Variants in SIPA1L2 observed in about 807,000 individuals in gnomAD.
The protein encoded by SIPA1L2 is signal induced proliferation associated 1 like 2.
SIPA1L2 carries 56 observed loss-of-function variants against 163.9 expected under a neutral mutation model. The ratio of observed to expected loss-of-function variants is 0.34; its 90% CI spans 0.28 to 0.43. The LOEUF (loss-of-function observed/expected upper bound fraction) is 0.43, where lower values mean the gene tolerates loss of function less well. SIPA1L2 is among the 20% of genes least tolerant of loss of function. The pLI is 1.00. For missense variants in SIPA1L2, 1,974 were observed against 2,193.5 expected, an observed-to-expected ratio of 0.90 and a Z score of 2.00; for synonymous variants, 877 against 865.7, an observed-to-expected ratio of 1.01 and a Z score of -0.23.
intron 2 of SIPA1L2, among the ~76,000 whole-genome samples, chr1:232,523,274 A>C (rs1030021783): frequency 6.6e-6 from 1 of 152,212 alleles, no homozygotes; most frequent in African/African-American, 2.4e-5. Flanking sequence ...TTTTTGAAGG[A>C]GACAGAAGAA....
chr1:232,465,097 T>G lies in SIPA1L2; in HGVS notation c.2563A>C (p.Ile855Leu), dbSNP rs773340229. The G allele has an allele frequency of 6.2e-7, 1 of 1,614,212 alleles. No homozygotes were observed. Among genetic ancestry groups the G allele is most frequent in the Admixed American group, 1.7e-5 (1 of 60,032 alleles). Residue 855 changes from isoleucine (I) to leucine (L), a missense_variant, in exon 9 of 23, where the codon ATC (isoleucine) becomes CTC (leucine). Ile to Leu is a conservative substitution (Grantham distance 5). Around this residue, in one of 3 missense-constraint regions of SIPA1L2, gnomAD observed 1,079 missense variants for 1,150.7 expected, o/e 0.94. Transcript: ENST00000674635. This position sits in a 1 kb window ranked among gnomAD's most constrained non-coding sequence, Gnocchi z 4.1. ...KDAHLFSIGA[I>L]MWHVIARDFG... ...TCCCGGGCTATCACGTGCCACATGA[T>G]GGCCCCAATGCTAAACAAGTGGGCA...
chr1:232,573,254 T>C (rs1177393713), intron 2 of SIPA1L2, among the ~76,000 whole-genome samples: 4 of 152,148 alleles, frequency 2.6e-5, no homozygotes, highest in African/African-American at 9.7e-5. Context: ...AAAGGACATT[T>C]TCGAGCAAAT....
chr1:232,541,242 TAACATTAACA>T lies in SIPA1L2; in HGVS notation c.-269-25644_-269-25635del, dbSNP rs1490580950. Among the ~76,000 whole-genome samples, 985 of 141,920 alleles carry T rather than the reference TAACATTAACA, an allele frequency of 6.9e-3. 9 individuals are homozygous for T. The highest frequency in any genetic ancestry group is 0.024 in the African/African-American group (892 of 36,786). 93.1% of individuals were successfully genotyped at this position (141,920 alleles called of 152,430 possible). ...TGCACATGTATCACATCACATAACA[TAACATTAACA>T]TAACATAACATAACATAACATAACA... On this transcript the variant is annotated intron_variant, in intron 2 of 22. Coordinates refer to ENST00000674635, the MANE Select transcript of SIPA1L2 (RefSeq NM_020808.5).
At chr1:232,492,454 T>TC (rs1321181290) in intron 4 of SIPA1L2, among the ~76,000 whole-genome samples, 1 of 152,124 alleles carries the variant, frequency 6.6e-6, no homozygotes, top group East Asian at 1.9e-4. Context: ...CAAGCCATGC[T>TC]CTCACCCCAG....
At chr1:232,601,055 C>T (rs866165883) in intron 1 of SIPA1L2, among the ~76,000 whole-genome samples, 11 of 152,130 alleles carry the variant, frequency 7.2e-5, no homozygotes, top group South Asian at 6.2e-4. Context: ...ACAACAGCCC[C>T]GATGGTATCC....
intron 7 of SIPA1L2, 145 bp from the exon 8 acceptor site, chr1:232,471,673 G>T: frequency 1.5e-6 from 1 of 674,358 alleles, no homozygotes; most frequent in Non-Finnish European, 2.2e-6. Context: ...ATTTGGCATA[G>T]AAAAAGCAAA....
chr1:232,493,718 T>A, intron 3 of SIPA1L2, 58 bp from the exon 4 acceptor site: 1 of 1,597,242 alleles, frequency 6.3e-7, no homozygotes, highest in Non-Finnish European at 8.6e-7. Context: ...AAGAGCAGGA[T>A]GGATATCTCT....
Position 232,439,174 on chromosome 1 carries a change from GT to G in SIPA1L2, c.3964del (p.Thr1322ProfsTer72). 6.2e-7 allele frequency: 1 copy of G among 1,613,502 alleles called. No homozygotes were observed. Among genetic ancestry groups the G allele is most frequent in the Non-Finnish European group, 8.5e-7 (1 of 1,179,930 alleles). On this transcript the variant is annotated frameshift_variant, in exon 15 of 23. Transcript: ENST00000674635. LOFTEE classifies it high-confidence loss of function. ...TTCCGCAGCACTGCCGGCGGAGATG[GT>G]GGACGCGTAGCCATGCACAGAATAT... Reference protein sequence around the residue: ...KLYSVHGYASTISAGSAAEGS... With the variant: ...KLYSVHGYASXISAGSAAEGS...
chr1:232,568,635 GGCTGGATTTCT>G (rs1411098514), intron 2 of SIPA1L2, among the ~76,000 whole-genome samples: 1 of 152,120 alleles, frequency 6.6e-6, no homozygotes, highest in Non-Finnish European at 1.5e-5. Context: ...GTGGACCATG[GGCTGGATTTCT>G]GCTCAGCTTG....
In SIPA1L2 at chr1:232,432,663, C is replaced by T. The variant is rs12030131; in HGVS notation, c.4032-192G>A. 0.029 allele frequency among the ~76,000 whole-genome samples: 4,382 copies of T among 152,292 alleles called. 543 individuals are homozygous for T. The East Asian group carries it at 0.4, about 14-fold the overall frequency. Reference sequence around the variant, plus strand: ...CCTCATTTTACGTAGGCTAAGGTTACTCACGTGCAAGTTGTATGCCTGTGG... The same window carrying T: ...CCTCATTTTACGTAGGCTAAGGTTATTCACGTGCAAGTTGTATGCCTGTGG... On this transcript the variant is annotated intron_variant, in intron 15 of 22. Coordinates refer to ENST00000674635, the MANE Select transcript of SIPA1L2 (RefSeq NM_020808.5).
chr1:232,444,032 A>G (rs1412735207), intron 11 of SIPA1L2, among the ~76,000 whole-genome samples: 2 of 152,224 alleles, frequency 1.3e-5, no homozygotes, highest in African/African-American at 4.8e-5. Flanking sequence ...AACATTACTA[A>G]TTCTTATTAT....
chr1:232,449,140 T>C (rs1663395123), intron 10 of SIPA1L2, among the ~76,000 whole-genome samples: 1 of 152,044 alleles, frequency 6.6e-6, no homozygotes, highest in African/African-American at 2.4e-5. Context: ...GTGGAACTTA[T>C]GAGAGTTAAA....
In SIPA1L2 at chr1:232,566,503, G is replaced by A. The variant is rs544168429; in HGVS notation, c.-270+7671C>T. 2.6e-5 allele frequency among the ~76,000 whole-genome samples: 4 copies of A among 152,284 alleles called. No homozygotes were observed. In the South Asian group the frequency reaches 6.2e-4, roughly 24 times the overall value. On this transcript the variant is annotated intron_variant, in intron 2 of 22. Coordinates refer to ENST00000674635, the MANE Select transcript of SIPA1L2 (RefSeq NM_020808.5). ...TCATGAACTAAGAGTGGTATTCGTCGCTTTTCACTAACGGAATATACAAAA... is the reference window on the plus strand; with the variant it reads ...TCATGAACTAAGAGTGGTATTCGTCACTTTTCACTAACGGAATATACAAAA...
At chr1:232,542,051 G>GT (rs555081254) in intron 2 of SIPA1L2, among the ~76,000 whole-genome samples, 90 of 152,048 alleles carry the variant, frequency 5.9e-4, no homozygotes, top group African/African-American at 2.1e-3. Context: ...ATACATAAAA[G>GT]TATCTCTGAA....
intron 8 of SIPA1L2, among the ~76,000 whole-genome samples, chr1:232,466,071 A>C (rs898551816): frequency 6.6e-6 from 1 of 152,046 alleles, no homozygotes. Flanking sequence ...CCAAACTAAT[A>C]CAGGGGGTAA....
intron 2 of SIPA1L2, among the ~76,000 whole-genome samples, chr1:232,530,912 A>C (rs1656878194): frequency 6.6e-6 from 1 of 152,196 alleles, no homozygotes; most frequent in African/African-American, 2.4e-5. Flanking sequence ...CAATTTATTT[A>C]CTCACAAGGT....
chr1:232,579,966 G>A (rs931084293), intron 1 of SIPA1L2, among the ~76,000 whole-genome samples: 2 of 152,172 alleles, frequency 1.3e-5, no homozygotes, highest in African/African-American at 4.8e-5. Context: ...AGAATTTGAG[G>A]TGAATTCGTA....
At chr1:232,566,315 T>C (rs1189336172) in intron 2 of SIPA1L2, among the ~76,000 whole-genome samples, 1 of 152,208 alleles carries the variant, frequency 6.6e-6, no homozygotes, top group Non-Finnish European at 1.5e-5. Flanking sequence ...CCATTGTTCC[T>C]CACTGAATTG....
At chr1:232,551,556 C>T (rs760714314) in intron 2 of SIPA1L2, among the ~76,000 whole-genome samples, 2 of 152,188 alleles carry the variant, frequency 1.3e-5, no homozygotes, top group Non-Finnish European at 2.9e-5. Flanking sequence ...CCAAGAAGAG[C>T]GGTGGGAATT....
Sources: gnomAD v4.1 joint callset for allele counts (sites outside exome capture counted in the v4.1 genomes callset) on GRCh38, gnomAD v4.1.1 for gene constraint, gnomAD v4.1.1 regional missense constraint, Gnocchi (gnomAD v3.1) non-coding constraint, MANE v1.5 for transcripts, NCBI Gene and HGNC (gene_info 2026-07-23, HGNC 2026-07-21) for gene names.